The following LAMA1 variants were observed in gnomAD, a reference collection of about 807,000 sequenced individuals.
The protein encoded by LAMA1 is laminin subunit alpha 1, also known as laminin subunit alpha-1.
LAMA1 carries 219 observed loss-of-function variants against 348.7 expected under a neutral mutation model. The observed-to-expected ratio is 0.63, with a 90% confidence interval of 0.56 to 0.70. The LOEUF (loss-of-function observed/expected upper bound fraction) is 0.70, where lower values mean the gene tolerates loss of function less well. Ranked by LOEUF, LAMA1 falls within the 30% of genes least tolerant of loss-of-function variation. The pLI is 0.00. For missense variants in LAMA1, 3,744 were observed against 3,888.0 expected (o/e 0.96, Z 0.99); for synonymous variants, 1,487 against 1,491.0 (o/e 1.00, Z 0.06).
intron 57 of LAMA1, 37 bp downstream of exon 57, chr18:6,955,316 A>G (rs991518475): frequency 6.6e-7 from 1 of 1,505,622 alleles, no homozygotes; most frequent in Non-Finnish European, 9.2e-7. Flanking sequence ...ACATCTAGCA[A>G]TGAGACGCCG....
At chr18:7,005,234 C>T (rs1388947022) in intron 29 of LAMA1, among the ~76,000 whole-genome samples, 1 of 152,098 alleles carries the variant, frequency 6.6e-6, no homozygotes, top group Non-Finnish European at 1.5e-5. Context: ...TGTTAAGATC[C>T]CATCACTTTT....
chr18:7,069,237 C>T (rs918364924), intron 3 of LAMA1, among the ~76,000 whole-genome samples: 1 of 152,174 alleles, frequency 6.6e-6, no homozygotes, highest in African/African-American at 2.4e-5. Flanking sequence ...AACAAAAACT[C>T]CATCTTGTTC....
intron 4 of LAMA1, among the ~76,000 whole-genome samples, chr18:7,049,723 A>G (rs1008570116): frequency 2.6e-5 from 4 of 152,210 alleles, no homozygotes; most frequent in African/African-American, 9.6e-5. Context: ...TATGTCTAAC[A>G]TTTGTTAATT....
chr18:7,095,223 G>T (rs2058256425), intron 1 of LAMA1, among the ~76,000 whole-genome samples: 1 of 149,728 alleles, frequency 6.7e-6, no homozygotes, highest in Non-Finnish European at 1.5e-5. Flanking sequence ...CCCTATATTT[G>T]TATTATGATA....
At chr18:7,099,481 T>TA (rs1386272589) in intron 1 of LAMA1, among the ~76,000 whole-genome samples, 81 of 130,518 alleles carry the variant, frequency 6.2e-4, no homozygotes, top group Admixed American at 8.9e-4. Flanking sequence ...TAAATAAATT[T>TA]AAAAAAAAAC....
intron 60 of LAMA1, among the ~76,000 whole-genome samples, chr18:6,947,596 G>A (rs1334424473): frequency 3.9e-5 from 6 of 152,168 alleles, no homozygotes; most frequent in African/African-American, 1.2e-4. Context: ...TCCTCCCTGC[G>A]GCAGTCTTTC....
intron 22 of LAMA1, among the ~76,000 whole-genome samples, chr18:7,014,315 C>T (rs2057875485): frequency 6.6e-6 from 1 of 152,142 alleles, no homozygotes; most frequent in Non-Finnish European, 1.5e-5. Flanking sequence ...CAAAACAAGT[C>T]TAACGAAATT....
At position 7,085,654 on chromosome 18, in the gene LAMA1, C is replaced by A. The variant is rs375491624; in HGVS notation, c.62-5197G>T. Among the ~76,000 whole-genome samples the A allele has an allele frequency of 0.019, 2,957 of 152,028 alleles. 204 individuals carry two copies. In the East Asian group the frequency reaches 0.27, roughly 14 times the overall value. ...AGGATGGTCTCGATCTCCTGACTTC[C>A]TGATCCGCCCGCCTCAGCCTCCCAA... On this transcript the variant is annotated intron_variant, in intron 1 of 62. Coordinates refer to ENST00000389658, the MANE Select transcript of LAMA1 (RefSeq NM_005559.4).
rs562304116 is a variant in LAMA1 at position 7,016,203 on chromosome 18, C to A, written c.2989+288G>T. Among the ~76,000 whole-genome samples, 11 of 152,282 alleles carry A rather than the reference C, an allele frequency of 7.2e-5. No homozygotes were observed. In the East Asian group the frequency reaches 1.4e-3, roughly 19 times the overall value. ...ATATAGAACACTTACACTAACTTCT[C>A]AATGCAGATTCTCATTAGCATCCCC... On this transcript the variant is annotated intron_variant, in intron 21 of 62. Coordinates refer to ENST00000389658, the MANE Select transcript of LAMA1 (RefSeq NM_005559.4).
At chr18:7,062,695 G>A (rs1424140080) in intron 3 of LAMA1, among the ~76,000 whole-genome samples, 1 of 152,176 alleles carries the variant, frequency 6.6e-6, no homozygotes, top group Non-Finnish European at 1.5e-5. Context: ...AGGCCAAGCA[G>A]TGTCTTCCAG....
chr18:7,043,454 T>C (rs767651771), intron 7 of LAMA1, 49 bp from the exon 8 acceptor site: 8 of 1,512,514 alleles, frequency 5.3e-6, no homozygotes, highest in Admixed American at 3.3e-5. Context: ...GCATGCCTTA[T>C]ACAAAGAAAA....
chr18:7,049,064 C>T lies in LAMA1; in HGVS notation c.768+14G>A, dbSNP rs780266720. The T allele has an allele frequency of 1.6e-5, 26 of 1,609,410 alleles. No individual in the cohort carries two copies. Among genetic ancestry groups the T allele is most frequent in the African/African-American group, 1.5e-4 (11 of 74,770 alleles). On this transcript the variant is annotated intron_variant, in intron 5 of 62. Coordinates refer to ENST00000389658, the MANE Select transcript of LAMA1 (RefSeq NM_005559.4). The stretch of plus-strand genomic sequence containing the variant: ...TTTTTATTTTATTTGGCAGGACTGC[C>T]GTCCCATACTCACGCGTCTGGTAAC...
intron 42 of LAMA1, among the ~76,000 whole-genome samples, chr18:6,978,801 C>G (rs373045546): frequency 1.4e-4 from 21 of 152,322 alleles, no homozygotes; most frequent in Middle Eastern, 6.8e-3. Context: ...TGTCCTCCAC[C>G]TCCTTTCATG....
chr18:6,978,796 T>C (rs905425487), intron 42 of LAMA1, among the ~76,000 whole-genome samples: 2 of 152,200 alleles, frequency 1.3e-5, no homozygotes, highest in Admixed American at 6.5e-5. Context: ...AAACATGTCC[T>C]CCACCTCCTT....
chr18:6,952,593 T>C (rs752720852), intron 57 of LAMA1, among the ~76,000 whole-genome samples: 8 of 152,224 alleles, frequency 5.3e-5, no homozygotes, highest in Non-Finnish European at 1.2e-4. Flanking sequence ...TTCAGTTACC[T>C]GCAGTCAACT....
rs374902452 is a variant in LAMA1, at chr18:6,949,360, T to G, written c.8398-101A>C. ...ATGCAACATCTGTTTCTGAGAGCTA[T>G]AACAACCTGAATGCAATGCTAAAGG... On this transcript the variant is annotated intron_variant, in intron 58 of 62. Transcript: ENST00000389658. 16 of 1,164,932 alleles carry G rather than the reference T, an allele frequency of 1.4e-5. No homozygotes were observed. The South Asian group carries it at 1.8e-4, about 13-fold the overall frequency. The allele number at this position is 1,164,932 out of a possible 1,614,324, so 72.2% of individuals were successfully genotyped here. A position where few individuals can be genotyped will look rare whatever the true frequency, so the allele number is the denominator to read the frequency against.
chr18:6,945,086 G>A (rs958348958), intron 61 of LAMA1, among the ~76,000 whole-genome samples: 5 of 151,878 alleles, frequency 3.3e-5, no homozygotes, highest in Admixed American at 2.6e-4. Flanking sequence ...ATAGAGATGG[G>A]GTGTCGCTAT....
chr18:6,993,620 A>G (rs1368100491), intron 35 of LAMA1, 21 bp downstream of exon 35: 1 of 1,516,786 alleles, frequency 6.6e-7, no homozygotes. Flanking sequence ...GATACTTCAA[A>G]CTAGACACTG....
intron 3 of LAMA1, among the ~76,000 whole-genome samples, chr18:7,055,447 CCGTCTCAAAAAAAAA>C (rs2058077732): frequency 7.7e-6 from 1 of 129,682 alleles, no homozygotes; most frequent in African/African-American, 3.4e-5. Context: ...GAGTGAAACT[CCGTCTCAAAAAAAAA>C]AAAAAAAAAA....
Sources: gnomAD v4.1 joint callset for allele counts (sites outside exome capture counted in the v4.1 genomes callset) on GRCh38, gnomAD v4.1.1 for gene constraint, MANE v1.5 for transcripts, NCBI Gene and HGNC (gene_info 2026-07-23, HGNC 2026-07-21) for gene names.